The following COPS7B variants were observed in gnomAD, a reference collection of about 807,000 sequenced individuals.
COPS7B encodes the protein COP9 signalosome complex subunit 7b.
COPS7B carries 9 observed loss-of-function variants against 33.4 expected under a neutral mutation model. The ratio of observed to expected loss-of-function variants is 0.27; its 90% CI spans 0.16 to 0.47. COPS7B has a LOEUF of 0.47. Among genes scored for constraint, COPS7B ranks in the 20% least tolerant of loss-of-function variants. The probability of loss-of-function intolerance (pLI) is 0.99; values close to 1 mark genes in which losing one functional copy is unlikely to be tolerated. For synonymous variants in COPS7B, 119 were observed against 126.3 expected (o/e 0.94, Z 0.39); for missense variants, 242 against 318.2 (o/e 0.76, Z 1.82).
intron 6 of COPS7B, among the ~76,000 whole-genome samples, chr2:231,805,362 T>C (rs2049860302): frequency 6.6e-6 from 1 of 151,158 alleles, no homozygotes; most frequent in Non-Finnish European, 1.5e-5. Flanking sequence ...TGTGTTTTGT[T>C]GTCTGGCAGG....
chr2:231,781,979 C>G, upstream of COPS7B: 1 of 1,187,780 alleles, frequency 8.4e-7, no homozygotes, highest in Non-Finnish European at 1.2e-6. Flanking sequence ...TCTGAGGCGC[C>G]TTTTACATGT....
chr2:231,798,174 A>G (rs1270416742), intron 5 of COPS7B, among the ~76,000 whole-genome samples: 1 of 151,744 alleles, frequency 6.6e-6, no homozygotes, highest in African/African-American at 2.4e-5. Flanking sequence ...GGCATGAGCC[A>G]CTGCGCCTGG....
chr2:231,807,513 A>G lies in COPS7B; in HGVS notation c.663A>G (p.Lys221=). 1 of 1,613,364 alleles carries G rather than the reference A, an allele frequency of 6.2e-7. No individual in the cohort carries two copies. Among genetic ancestry groups the G allele is most frequent in the Non-Finnish European group, 8.5e-7 (1 of 1,179,684 alleles). The change falls in exon 7 of 7, where the codon AAA becomes AAG. Residue 221 remains lysine, a synonymous_variant. Transcript: ENST00000350033. ...TTACCAACATCAAGAAGACACTCAA[A>G]GCCACCGCATCCTCCTCGGCTCAGG... is the stretch of plus-strand genomic sequence containing the variant. ...AEVTNIKKTL[K]ATASSSAQEM...
chr2:231,783,847 C>T (rs2106298961), upstream of COPS7B, among the ~76,000 whole-genome samples: 1 of 152,278 alleles, frequency 6.6e-6, no homozygotes, highest in African/African-American at 2.4e-5. Context: ...AGTGATCCTC[C>T]TGCCTCTGCC....
chr2:231,784,722 T>C (rs1236748295), upstream of COPS7B, among the ~76,000 whole-genome samples: 9 of 152,196 alleles, frequency 5.9e-5, no homozygotes, highest in Admixed American at 4.6e-4. Flanking sequence ...CCTCTCCTTA[T>C]ATTCAACTGG....
rs1553564811 is a variant in COPS7B, at chr2:231,808,798, G to GGGGTGTGTGTGT, written c.*1154_*1155insGGTGTGTGTGTG. ...TGGTTGGAGGGTGGGGGTGGGGTGG[G>GGGGTGTGTGTGT]GTGTGTGTGTGTGTGTGTGTGTGTG... On this transcript the variant is annotated 3_prime_UTR_variant, in exon 7 of 7. Coordinates refer to ENST00000350033, the MANE Select transcript of COPS7B (RefSeq NM_022730.4). 3 of 75,804 alleles carry GGGGTGTGTGTGT rather than the reference G, an allele frequency of 4.0e-5. No individual in the cohort carries two copies. Among genetic ancestry groups the GGGGTGTGTGTGT allele is most frequent in the Admixed American group, 2.0e-4 (1 of 4,884 alleles). The allele number at this position is 75,804 out of a possible 1,614,324, so 4.7% of individuals were successfully genotyped here. A position where few individuals can be genotyped will look rare whatever the true frequency, so the allele number is the denominator to read the frequency against.
chr2:231,803,841 G>A (rs991869276), intron 6 of COPS7B, among the ~76,000 whole-genome samples: 5 of 152,164 alleles, frequency 3.3e-5, no homozygotes, highest in African/African-American at 1.2e-4. Context: ...GTTGAGCTTT[G>A]AAAAGAAAAA....
upstream of COPS7B, chr2:231,781,929 G>A: frequency 6.6e-7 from 1 of 1,525,176 alleles, no homozygotes; most frequent in Non-Finnish European, 8.9e-7. Flanking sequence ...AACCGTGAAA[G>A]AGAACAAAAT....
upstream of COPS7B, among the ~76,000 whole-genome samples, chr2:231,782,835 T>G (rs996339485): frequency 3.3e-5 from 5 of 152,224 alleles, no homozygotes; most frequent in Non-Finnish European, 7.3e-5. Context: ...AAGTTTTTTT[T>G]TTGTTAATGA....
intron 6 of COPS7B, among the ~76,000 whole-genome samples, chr2:231,805,169 AT>A (rs1390562689): frequency 6.6e-6 from 1 of 152,012 alleles, no homozygotes; most frequent in East Asian, 1.9e-4. Context: ...TCCCATTTCT[AT>A]TTTTTAAAAA....
chr2:231,803,133 T>C (rs907916604), intron 6 of COPS7B, among the ~76,000 whole-genome samples: 17 of 152,148 alleles, frequency 1.1e-4, no homozygotes, highest in Admixed American at 4.6e-4. Flanking sequence ...TGCAGTGGTG[T>C]GGGAGGCCAT....
chr2:231,805,327 C>T (rs1055462258), intron 6 of COPS7B, among the ~76,000 whole-genome samples: 7 of 151,716 alleles, frequency 4.6e-5, no homozygotes, highest in African/African-American at 1.7e-4. Context: ...GGGCGAGATG[C>T]CTCAGGGTTC....
intron 6 of COPS7B, among the ~76,000 whole-genome samples, chr2:231,807,097 A>T (rs1287998936): frequency 6.6e-6 from 1 of 152,234 alleles, no homozygotes; most frequent in East Asian, 1.9e-4. Context: ...TTATTCAAGA[A>T]GGTTCATGGA....
rs572884438 is a variant in COPS7B at position 231,794,157 on chromosome 2, G to A, written c.239-106G>A. The A allele has an allele frequency of 2.3e-4, 171 of 745,184 alleles. No individual in the cohort carries two copies. The African/African-American group carries it at 2.5e-3, about 11-fold the overall frequency. 46.2% of individuals were successfully genotyped at this position (745,184 alleles called of 1,614,324 possible). On this transcript the variant is annotated intron_variant, in intron 3 of 6. Coordinates refer to ENST00000350033, the MANE Select transcript of COPS7B (RefSeq NM_022730.4). Reference sequence around the variant, plus strand: ...AATGAATAAGTGCAAAGTCATGATAGTGATTCAGTAGTAGATTTGGTTTGG... The same window carrying A: ...AATGAATAAGTGCAAAGTCATGATAATGATTCAGTAGTAGATTTGGTTTGG...
At chr2:231,788,805 G>A in intron 2 of COPS7B, 73 bp downstream of exon 2, 1 of 1,446,986 alleles carries the variant, frequency 6.9e-7, no homozygotes, top group Non-Finnish European at 9.5e-7. Context: ...AAGAATTTCA[G>A]TGCTGAAGTA....
upstream of COPS7B, among the ~76,000 whole-genome samples, chr2:231,785,010 CA>C (rs1231865478): frequency 1.3e-5 from 2 of 152,224 alleles, no homozygotes; most frequent in Non-Finnish European, 2.9e-5. Flanking sequence ...AGAGTTTTGC[CA>C]TGTGGCCCAG....
At chr2:231,785,893 A>T (rs1395793399), upstream of COPS7B, among the ~76,000 whole-genome samples, 1 of 152,262 alleles carries the variant, frequency 6.6e-6, no homozygotes, top group Non-Finnish European at 1.5e-5. Context: ...CATTTTCTGA[A>T]TAGAGGTCAA....
chr2:231,793,490 C>A, intron 3 of COPS7B: 1 of 152,270 alleles, frequency 6.6e-6, no homozygotes. Context: ...CTATGCAATC[C>A]ACAAGATGTA....
upstream of COPS7B, among the ~76,000 whole-genome samples, chr2:231,785,053 T>C (rs2049206644): frequency 6.6e-6 from 1 of 152,232 alleles, no homozygotes; most frequent in Non-Finnish European, 1.5e-5. Context: ...TCAGGTGATC[T>C]GCCCACCTTG....
Sources: allele counts gnomAD v4.1 joint callset (sites outside exome capture counted in the v4.1 genomes callset), GRCh38; gene constraint gnomAD v4.1.1; transcripts MANE v1.5; gene names NCBI Gene and HGNC (gene_info 2026-07-23, HGNC 2026-07-21).